The following PCDH7 variants were observed in gnomAD, a reference collection of about 807,000 sequenced individuals.
The protein encoded by PCDH7 is protocadherin 7.
PCDH7 carries 17 observed loss-of-function variants against 58.9 expected under a neutral mutation model. The observed-to-expected ratio is 0.29, with a 90% CI of 0.20 to 0.43. PCDH7 has a LOEUF of 0.43. Among genes scored for constraint, PCDH7 ranks in the 20% least tolerant of loss-of-function variants. The probability of loss-of-function intolerance (pLI) is 1.00; values close to 1 mark genes in which losing one functional copy is unlikely to be tolerated. For synonymous variants in PCDH7, 664 were observed against 616.4 expected, an observed-to-expected ratio of 1.08 and a Z score of -1.14; for missense variants, 1,274 against 1,441.0, an observed-to-expected ratio of 0.88 and a Z score of 1.88.
intron 1 of PCDH7, among the ~76,000 whole-genome samples, chr4:30,905,172 C>T (rs955838168): frequency 6.6e-6 from 1 of 152,172 alleles, no homozygotes; most frequent in Non-Finnish European, 1.5e-5. Context: ...GCTCATGATG[C>T]AGGCCCCTAT....
At chr4:30,889,137 C>CAAAAAAAAAAAAAAAAAAAAAAA (rs371917620) in intron 1 of PCDH7, among the ~76,000 whole-genome samples, 3 of 49,988 alleles carry the variant, frequency 6.0e-5, no homozygotes, top group Admixed American at 4.8e-4. Flanking sequence ...GCAGATATCT[C>CAAAAAAAAAAAAAAAAAAAAAAA]AAAAAAAAAA....
At chr4:30,957,459 A>C (rs1185531697) in intron 3 of PCDH7, among the ~76,000 whole-genome samples, 1 of 152,180 alleles carries the variant, frequency 6.6e-6, no homozygotes, top group Non-Finnish European at 1.5e-5. Flanking sequence ...ATATTTTAAA[A>C]ACAACCAGGA....
At chr4:30,970,347 T>G (rs569766899) in intron 3 of PCDH7, among the ~76,000 whole-genome samples, 10 of 151,454 alleles carry the variant, frequency 6.6e-5, no homozygotes, top group Non-Finnish European at 1.3e-4. Flanking sequence ...CAGGCTGGAG[T>G]GCAGTGGCAC....
intron 1 of PCDH7, among the ~76,000 whole-genome samples, chr4:30,862,193 G>A (rs1381614116): frequency 6.6e-6 from 1 of 152,158 alleles, no homozygotes. Context: ...ATAATAAGGT[G>A]TTGATAATGA....
intron 1 of PCDH7, among the ~76,000 whole-genome samples, chr4:30,905,255 A>T (rs1740765379): frequency 6.6e-6 from 1 of 152,008 alleles, no homozygotes; most frequent in African/African-American, 2.4e-5. Context: ...GTTCATTTTT[A>T]GTGTTTTACA....
intron 1 of PCDH7, among the ~76,000 whole-genome samples, chr4:30,842,756 A>G (rs149686409): frequency 1.2e-3 from 184 of 152,288 alleles, no homozygotes; most frequent in African/African-American, 4.2e-3. Flanking sequence ...CAGGGAAGCT[A>G]CAAGATAAGA....
At chr4:31,071,120 A>G (rs1758509531) in intron 3 of PCDH7, among the ~76,000 whole-genome samples, 1 of 152,040 alleles carries the variant, frequency 6.6e-6, no homozygotes, top group Non-Finnish European at 1.5e-5. Context: ...ATGGTCTTTG[A>G]CAGAAGCAAA....
intron 3 of PCDH7, among the ~76,000 whole-genome samples, chr4:31,009,717 G>T (rs1161228838): frequency 6.6e-6 from 1 of 151,736 alleles, no homozygotes; most frequent in Non-Finnish European, 1.5e-5. Context: ...TTTATTTTGG[G>T]CTGACTTCTC....
chr4:30,726,476 T>C (rs1289583446), intron 1 of PCDH7, among the ~76,000 whole-genome samples: 3 of 152,034 alleles, frequency 2.0e-5, no homozygotes, highest in African/African-American at 7.2e-5. Flanking sequence ...TTCATTTGGC[T>C]CATCAGATGA....
chr4:30,780,368 G>A (rs1341692521), intron 1 of PCDH7, among the ~76,000 whole-genome samples: 1 of 152,008 alleles, frequency 6.6e-6, no homozygotes, highest in Admixed American at 6.6e-5. Flanking sequence ...TTAGCTGGAC[G>A]TGGTGGCACA....
At chr4:30,764,446 G>GTTTATCA (rs141008555) in intron 1 of PCDH7, among the ~76,000 whole-genome samples, 2,587 of 152,266 alleles carry the variant, frequency 0.017, 65 homozygotes, top group African/African-American at 0.059. Context: ...TTTATAAACT[G>GTTTATCA]TTTATCATTT....
Position 31,025,333 on chromosome 4 carries a change from G to A in PCDH7, c.*7+75118G>A, listed in dbSNP as rs116664282. Among the ~76,000 whole-genome samples the A allele has an allele frequency of 8.4e-3, 1,285 of 152,302 alleles. 17 individuals carry two copies. Among genetic ancestry groups the A allele is most frequent in the African/African-American group, 0.028 (1,171 of 41,562 alleles). On this transcript the variant is annotated intron_variant, in intron 3 of 3. Coordinates refer to the PCDH7 transcript ENST00000509759. ...GAAAAGCTAAATGAAATGGCTGTTA[G>A]TATACAAACAGCATTAGGAGAGTGA...
rs776693524 is a variant in PCDH7 at position 30,962,904 on chromosome 4, T to C, written c.*7+12689T>C. Among the ~76,000 whole-genome samples, 8 of 152,126 alleles carry C rather than the reference T, an allele frequency of 5.3e-5. No homozygotes were observed. The South Asian group carries it at 1.0e-3, about 20-fold the overall frequency. ...CGTATCTTGATAACTGTCCCTGTTG[T>C]TCTTTATTTCTGCTGAAGTGGCAAC... On this transcript the variant is annotated intron_variant, in intron 3 of 3. Transcript: ENST00000509759.
At chr4:30,742,821 T>C (rs545410086) in intron 1 of PCDH7, among the ~76,000 whole-genome samples, 2 of 152,236 alleles carry the variant, frequency 1.3e-5, no homozygotes, top group East Asian at 3.9e-4. Flanking sequence ...CAAAAGAAAT[T>C]GAAATGCAGA....
intron 3 of PCDH7, among the ~76,000 whole-genome samples, chr4:31,050,632 C>T (rs1756659334): frequency 6.6e-6 from 1 of 152,020 alleles, no homozygotes; most frequent in Non-Finnish European, 1.5e-5. Flanking sequence ...GTAAGCATCT[C>T]ATAATTTACT....
intron 1 of PCDH7, chr4:30,885,146 T>C (rs529795373): frequency 6.6e-6 from 1 of 152,292 alleles, no homozygotes; most frequent in Non-Finnish European, 1.5e-5. Flanking sequence ...TTAATTACTC[T>C]AGTGCCTCAG....
At chr4:30,777,104 G>A (rs80032747) in intron 1 of PCDH7, among the ~76,000 whole-genome samples, 227 of 152,102 alleles carry the variant, frequency 1.5e-3, no homozygotes, top group African/African-American at 5.4e-3. Context: ...CAAAGACCAG[G>A]GTGAGACTTC....
At chr4:31,009,860 A>C (rs1753045394) in intron 3 of PCDH7, among the ~76,000 whole-genome samples, 1 of 152,030 alleles carries the variant, frequency 6.6e-6, no homozygotes, top group East Asian at 1.9e-4. Flanking sequence ...GTAAAGATGA[A>C]TTTTCTAGTA....
Position 30,765,125 on chromosome 4 carries a change from C to CTTTTTTTT in PCDH7, c.70+40548_70+40555dup, listed in dbSNP as rs10692198. ...GGAAAGAGAGATAGGACTTCAGATG[C>CTTTTTTTT]TTTTTTTTTTTTTTTTTTTTTTTTT... On this transcript the variant is annotated intron_variant, in intron 1 of 3. Transcript: ENST00000509759. 1.3e-3 allele frequency among the ~76,000 whole-genome samples: 65 copies of CTTTTTTTT among 49,214 alleles called. 15 individuals carry two copies. The highest frequency in any genetic ancestry group is 1.9e-3 in the African/African-American group (25 of 13,270). The allele number at this position is 49,214 out of a possible 152,430, so 32.3% of individuals were successfully genotyped here.
Sources: allele counts gnomAD v4.1 joint callset (sites outside exome capture counted in the v4.1 genomes callset), GRCh38; gene constraint gnomAD v4.1.1; transcripts MANE v1.5; gene names NCBI Gene and HGNC (gene_info 2026-07-23, HGNC 2026-07-21).